IP6K1: variants seen among roughly 807,000 people sequenced by gnomAD.
The protein encoded by IP6K1 is inositol hexakisphosphate kinase 1.
Under a neutral mutation model 38.3 loss-of-function variants are expected in IP6K1, and 13 were observed. The ratio of observed to expected loss-of-function variants is 0.34; its 90% confidence interval spans 0.22 to 0.54. IP6K1 has a LOEUF of 0.54. IP6K1 is among the 20% of genes least tolerant of loss of function. The pLI, the probability that IP6K1 is intolerant of heterozygous loss-of-function variation, is 0.92. For missense variants in IP6K1, 397 were observed against 599.8 expected (o/e 0.66, Z 3.53); for synonymous variants, 212 against 229.9 (o/e 0.92, Z 0.70).
intron 2 of IP6K1, among the ~76,000 whole-genome samples, chr3:49,741,934 C>T (rs2080672196): frequency 6.6e-6 from 1 of 152,176 alleles, no homozygotes; most frequent in African/African-American, 2.4e-5. Context: ...TATTTCCTCA[C>T]ACCTTCCTCC....
intron 1 of IP6K1, among the ~76,000 whole-genome samples, chr3:49,751,237 C>T (rs910122236): frequency 2.0e-5 from 3 of 152,036 alleles, no homozygotes; most frequent in African/African-American, 7.2e-5. Flanking sequence ...CTCACTGCAA[C>T]CTCTGCCTCC....
intron 1 of IP6K1, among the ~76,000 whole-genome samples, chr3:49,751,656 G>A (rs1457748749): frequency 6.6e-6 from 1 of 152,194 alleles, no homozygotes. Context: ...TGCTCCCCAA[G>A]AGGTTATGGG....
At chr3:49,749,497 A>G (rs1046246695) in intron 1 of IP6K1, among the ~76,000 whole-genome samples, 6 of 152,234 alleles carry the variant, frequency 3.9e-5, no homozygotes, top group Non-Finnish European at 7.3e-5. Context: ...AAGAAAAAGT[A>G]TTAGTAGAGC....
In IP6K1 at chr3:49,727,503, C is replaced by T; in HGVS notation, c.945G>A (p.Leu315=). The T allele has an allele frequency of 6.2e-7, 1 of 1,614,182 alleles. No individual in the cohort carries two copies. Among genetic ancestry groups the T allele is most frequent in the Non-Finnish European group, 8.5e-7 (1 of 1,180,028 alleles). ...RDLFEPILSK[L]RGLKAVLERQ... The stretch of plus-strand genomic sequence containing the variant: ...GCTCCAGCACAGCTTTCAGGCCCCG[C>T]AGTTTGCTCAGGATAGGCTCAAACA... The change falls in exon 6 of 6, where the codon CTG becomes CTA. Residue 315 remains leucine (L), a synonymous_variant. Coordinates refer to ENST00000321599, the MANE Select transcript of IP6K1 (RefSeq NM_153273.4). This position sits in a 1 kb window ranked among gnomAD's most constrained non-coding sequence, Gnocchi z 5.9.
intron 1 of IP6K1, among the ~76,000 whole-genome samples, chr3:49,753,528 A>G (rs1336478944): frequency 6.6e-6 from 1 of 152,184 alleles, no homozygotes; most frequent in Non-Finnish European, 1.5e-5. Flanking sequence ...TATGATGATG[A>G]TGTCAGTTAT....
intron 1 of IP6K1, among the ~76,000 whole-genome samples, chr3:49,750,619 G>T (rs1235645430): frequency 6.6e-6 from 1 of 151,900 alleles, no homozygotes; most frequent in Non-Finnish European, 1.5e-5. Context: ...AGAATCACTT[G>T]AACCCAGAAG....
intron 1 of IP6K1, among the ~76,000 whole-genome samples, chr3:49,764,862 G>A (rs1282872824): frequency 2.0e-5 from 3 of 149,704 alleles, no homozygotes; most frequent in Non-Finnish European, 4.4e-5. Flanking sequence ...GGGTGACAGA[G>A]TGAAACTCTG....
At chr3:49,742,325 G>A (rs974495420) in intron 2 of IP6K1, among the ~76,000 whole-genome samples, 1 of 151,700 alleles carries the variant, frequency 6.6e-6, no homozygotes, top group Non-Finnish European at 1.5e-5. Context: ...TGAGGGGGGC[G>A]GATCACGAGG....
In IP6K1 at chr3:49,727,308, G is replaced by GC; in HGVS notation, c.1139_1140insG (p.Asn380LysfsTer20). ...AGGAGGGACCCGCCTCGGGGCTGGTGTTGCTGGGGCTGGTGCTGGGGCCAC... is the reference window on the plus strand; with the variant it reads ...AGGAGGGACCCGCCTCGGGGCTGGTGCTTGCTGGGGCTGGTGCTGGGGCCAC... On this transcript the variant is annotated frameshift_variant, in exon 6 of 6. Transcript: ENST00000321599. LOFTEE classifies it high-confidence loss of function. This position sits in a 1 kb window ranked among gnomAD's most constrained non-coding sequence, Gnocchi z 5.9. The GC allele has an allele frequency of 3.1e-6, 5 of 1,614,190 alleles. No homozygotes were observed. In the East Asian group the frequency reaches 1.1e-4, roughly 36 times the overall value.
intron 1 of IP6K1, among the ~76,000 whole-genome samples, chr3:49,775,883 C>G (rs1266728163): frequency 6.6e-6 from 1 of 151,882 alleles, no homozygotes; most frequent in Non-Finnish European, 1.5e-5. Flanking sequence ...AAGCAAAGAT[C>G]TGTTCTCCAT....
At chr3:49,741,370 G>A (rs2080667793) in intron 2 of IP6K1, among the ~76,000 whole-genome samples, 1 of 151,964 alleles carries the variant, frequency 6.6e-6, no homozygotes, top group Non-Finnish European at 1.5e-5. Flanking sequence ...TAAGATACCT[G>A]GTATGAAGTG....
At chr3:49,779,609 A>G (rs2081047685) in intron 1 of IP6K1, among the ~76,000 whole-genome samples, 1 of 152,132 alleles carries the variant, frequency 6.6e-6, no homozygotes, top group Non-Finnish European at 1.5e-5. Context: ...ATTTCCATCA[A>G]CATACGACAT....
rs1465392938 is a variant in IP6K1 at position 49,732,786 on chromosome 3, G to C, written c.616+5C>G. 3.7e-6 allele frequency: 6 copies of C among 1,609,302 alleles called. No individual in the cohort carries two copies. The highest frequency in any genetic ancestry group is 5.1e-6 in the Non-Finnish European group (6 of 1,176,944). The stretch of plus-strand genomic sequence containing the variant: ...ACACTCCTGAAGGAGGGGCAACGAG[G>C]ATACTGTAGAGCTTTCGGTCCTTGG... On this transcript the variant is annotated splice_donor_5th_base_variant and intron_variant, in intron 4 of 5. Coordinates refer to ENST00000321599, the MANE Select transcript of IP6K1 (RefSeq NM_153273.4).
At chr3:49,785,333 C>CT (rs764961624) in intron 1 of IP6K1, 1 of 152,076 alleles carries the variant, frequency 6.6e-6, no homozygotes, top group Non-Finnish European at 1.5e-5. Flanking sequence ...TGGTGAAACC[C>CT]CGTCTCTATT....
chr3:49,727,283 A>G lies in IP6K1; in HGVS notation c.1165T>C (p.Ser389Pro). ...SNTSPEAGPS[S>P]QPKVDVRMID... is the part of the protein sequence containing the mutation. ...ATGCGGACATCCACCTTGGGCTGAG[A>G]GGAGGGACCCGCCTCGGGGCTGGTG... Residue 389 changes from serine (S) to proline (P), a missense_variant, in exon 6 of 6, where the codon TCT becomes CCT. Transcript: ENST00000321599. This position sits in a 1 kb window ranked among gnomAD's most constrained non-coding sequence, Gnocchi z 5.9. The G allele has an allele frequency of 1.2e-6, 2 of 1,614,146 alleles. No homozygotes were observed. The highest frequency in any genetic ancestry group is 1.7e-6 in the Non-Finnish European group (2 of 1,180,018).
In IP6K1 at chr3:49,727,046, G is replaced by C. The variant is rs558445760; in HGVS notation, c.*76C>G. On this transcript the variant is annotated 3_prime_UTR_variant, in exon 6 of 6. Transcript: ENST00000321599. The surrounding 1 kb of genome is among the most constrained non-coding windows in gnomAD (Gnocchi z 5.9). ...TAACCCTTTAAAAGCAAGTCTGTGT[G>C]TCCTCACGGCAAGTTCAGAACAATG... is the stretch of plus-strand genomic sequence containing the variant. The C allele has an allele frequency of 7.2e-7, 1 of 1,389,130 alleles. No homozygotes were observed. The highest frequency in any genetic ancestry group is 1.4e-5 in the African/African-American group (1 of 69,194). The allele number at this position is 1,389,130 out of a possible 1,614,324, so 86.1% of individuals were successfully genotyped here.
chr3:49,733,138 G>C (rs1195948848), intron 3 of IP6K1, among the ~76,000 whole-genome samples, 166 bp from the exon 4 acceptor site: 1 of 152,170 alleles, frequency 6.6e-6, no homozygotes, highest in East Asian at 1.9e-4. Context: ...GTTATGAGTA[G>C]TGTTCTTCCT....
intron 2 of IP6K1, among the ~76,000 whole-genome samples, chr3:49,743,872 G>C (rs191301923): frequency 1.3e-5 from 2 of 151,482 alleles, no homozygotes; most frequent in South Asian, 4.2e-4. Context: ...CGCCTGCCTC[G>C]GCCTCCCAAA....
At chr3:49,764,547 C>A (rs1042908213) in intron 1 of IP6K1, among the ~76,000 whole-genome samples, 11 of 152,084 alleles carry the variant, frequency 7.2e-5, no homozygotes, top group Admixed American at 6.6e-4. Flanking sequence ...GACACCCCAA[C>A]CCCCACACTG....
Sources: gnomAD v4.1 joint callset for allele counts (sites outside exome capture counted in the v4.1 genomes callset) on GRCh38, gnomAD v4.1.1 for gene constraint, Gnocchi (gnomAD v3.1) non-coding constraint, MANE v1.5 for transcripts, NCBI Gene and HGNC (gene_info 2026-07-23, HGNC 2026-07-21) for gene names.